FRMPD4: variants seen among roughly 807,000 people sequenced by gnomAD.
The protein encoded by FRMPD4 is FERM and PDZ domain containing 4.
In FRMPD4, 22 loss-of-function variants were observed where a neutral mutation model predicts 94.1. That is an observed-to-expected ratio of 0.23 (90% CI 0.17 to 0.33). The LOEUF is 0.33. Among genes scored for constraint, FRMPD4 ranks in the 10% least tolerant of loss-of-function variants. The pLI is 1.00. For synonymous variants in FRMPD4, 631 were observed against 548.6 expected (o/e 1.15, Z -2.10); for missense variants, 1,111 against 1,339.9 (o/e 0.83, Z 2.67).
intron 3 of FRMPD4, among the ~76,000 whole-genome samples, chrX:11,886,334 C>G (rs193160730): frequency 9.0e-6 from 1 of 111,557 alleles, no homozygotes; most frequent in African/African-American, 3.3e-5. Context: ...TGGGGAAATA[C>G]GTTGAAATTA....
chrX:12,658,422 AGG>A (rs1211168150), intron 4 of FRMPD4, among the ~76,000 whole-genome samples: 1 of 112,161 alleles, frequency 8.9e-6, no homozygotes, highest in African/African-American at 3.2e-5. Flanking sequence ...GTCTTATCCT[AGG>A]TGATGAGAAT....
intron 2 of FRMPD4, among the ~76,000 whole-genome samples, chrX:12,525,057 C>T (rs1407504894): frequency 9.0e-6 from 1 of 111,236 alleles, no homozygotes; most frequent in Non-Finnish European, 1.9e-5. Context: ...CCCAAGGAAG[C>T]CAAAAGATTG....
intron 3 of FRMPD4, among the ~76,000 whole-genome samples, chrX:12,019,601 T>C (rs1331159468): frequency 9.0e-6 from 1 of 110,993 alleles, no homozygotes; most frequent in Non-Finnish European, 1.9e-5. Flanking sequence ...TCTTCTTCCC[T>C]GCAGGTTCCC....
chrX:12,698,331 G>A (rs1018103493), intron 9 of FRMPD4, among the ~76,000 whole-genome samples: 66 of 111,095 alleles, frequency 5.9e-4, no homozygotes, highest in African/African-American at 2.1e-3. Flanking sequence ...TCATTACAAC[G>A]GGCTATACTG....
intron 1 of FRMPD4, among the ~76,000 whole-genome samples, chrX:12,344,976 A>G (rs1234349031): frequency 8.9e-6 from 1 of 112,618 alleles, no homozygotes; most frequent in East Asian, 2.8e-4. Context: ...TTCAAAGATA[A>G]AAGTTAAACC....
intron 1 of FRMPD4, among the ~76,000 whole-genome samples, chrX:12,318,752 G>A (rs2055163305): frequency 1.8e-5 from 2 of 111,078 alleles, no homozygotes; most frequent in Non-Finnish European, 3.8e-5. Context: ...TTGTATATTT[G>A]CAAATAGCTA....
chrX:12,506,670 G>A (rs2057989038), intron 2 of FRMPD4, among the ~76,000 whole-genome samples: 1 of 112,737 alleles, frequency 8.9e-6, no homozygotes, highest in South Asian at 3.7e-4. Context: ...TATGATGAAA[G>A]TTTCAGATGA....
At chrX:12,012,807 C>A (rs1050106019) in intron 3 of FRMPD4, among the ~76,000 whole-genome samples, 3 of 111,647 alleles carry the variant, frequency 2.7e-5, no homozygotes, top group African/African-American at 9.8e-5. Context: ...TATATAGTAG[C>A]CTTCGATGGG....
intron 3 of FRMPD4, among the ~76,000 whole-genome samples, chrX:11,988,798 C>T (rs1486917442): frequency 9.0e-6 from 1 of 111,677 alleles, no homozygotes; most frequent in Non-Finnish European, 1.9e-5. Context: ...GGCAAAAGAT[C>T]TGAATAGACA....
chrX:12,314,871 G>C (rs2055090196), intron 1 of FRMPD4, among the ~76,000 whole-genome samples: 1 of 111,809 alleles, frequency 8.9e-6, no homozygotes, highest in African/African-American at 3.3e-5. Flanking sequence ...ATAATTGCTA[G>C]AGAAAAGTTT....
intron 1 of FRMPD4, among the ~76,000 whole-genome samples, chrX:12,463,679 G>GTGTGTTTTTTT: frequency 3.0e-5 from 1 of 33,331 alleles, no homozygotes; most frequent in Non-Finnish European, 5.6e-5. Flanking sequence ...TCCTATGTGT[G>GTGTGTTTTTTT]TGTTTTTTTT....
intron 3 of FRMPD4, among the ~76,000 whole-genome samples, chrX:11,969,975 C>A (rs2054331783): frequency 1.8e-5 from 2 of 111,123 alleles, no homozygotes; most frequent in South Asian, 3.9e-4. Flanking sequence ...AGATTCCTCT[C>A]CTAGCCTCAG....
At chrX:11,859,336 A>C (rs1243568921) in intron 1 of FRMPD4, among the ~76,000 whole-genome samples, 1 of 112,141 alleles carries the variant, frequency 8.9e-6, no homozygotes, top group African/African-American at 3.2e-5. Flanking sequence ...AGACTTTATT[A>C]CACAGTGTTC....
intron 1 of FRMPD4, among the ~76,000 whole-genome samples, chrX:12,426,157 G>T (rs1314022039): frequency 3.6e-5 from 4 of 112,288 alleles, no homozygotes; most frequent in Non-Finnish European, 5.6e-5. Flanking sequence ...CCAGACTAGA[G>T]GGATTGATCC....
chrX:11,852,442 C>CAAAAA (rs374590200), intron 1 of FRMPD4, among the ~76,000 whole-genome samples: 11 of 52,595 alleles, frequency 2.1e-4, no homozygotes, highest in African/African-American at 2.7e-4. Context: ...ACCCTGTCTC[C>CAAAAA]AAAAAAAAAA....
intron 2 of FRMPD4, among the ~76,000 whole-genome samples, chrX:12,535,411 G>C (rs1025865862): frequency 1.8e-5 from 2 of 111,965 alleles, no homozygotes; most frequent in Non-Finnish European, 3.8e-5. Flanking sequence ...AGGCCATCCA[G>C]ATTTGAATCT....
At chrX:12,119,780 C>T (rs1255886915) in intron 3 of FRMPD4, among the ~76,000 whole-genome samples, 3 of 112,097 alleles carry the variant, frequency 2.7e-5, no homozygotes, top group African/African-American at 6.5e-5. Context: ...ACCTTTCATT[C>T]GCACCGCAAA....
intron 3 of FRMPD4, among the ~76,000 whole-genome samples, chrX:11,889,718 T>G (rs2053864052): frequency 9.0e-6 from 1 of 111,718 alleles, no homozygotes. Flanking sequence ...ATAGCAGGGG[T>G]TTCTTGTGTA....
intron 1 of FRMPD4, among the ~76,000 whole-genome samples, chrX:12,287,659 G>A (rs1246496520): frequency 2.7e-5 from 3 of 111,958 alleles, no homozygotes; most frequent in Non-Finnish European, 3.8e-5. Context: ...TTGAGACCAA[G>A]TGTCAAGTTA....
Sources: gnomAD v4.1 joint callset for allele counts (sites outside exome capture counted in the v4.1 genomes callset) on GRCh38, gnomAD v4.1.1 for gene constraint, MANE v1.5 for transcripts, NCBI Gene and HGNC (gene_info 2026-07-23, HGNC 2026-07-21) for gene names.